The following PDIA5 variants were observed in gnomAD, a reference collection of about 807,000 sequenced individuals.
PDIA5 encodes the protein protein disulfide isomerase family A member 5.
A neutral mutation model predicts 77.6 loss-of-function variants in PDIA5; 58 were observed. The observed-to-expected ratio is 0.75, with a 90% CI of 0.61 to 0.93. The LOEUF (loss-of-function observed/expected upper bound fraction) is 0.93, where lower values mean the gene tolerates loss of function less well. Among genes scored for constraint, PDIA5 ranks in the 40% least tolerant of loss-of-function variants. The pLI is 0.00. For missense variants in PDIA5, 630 were observed against 647.7 expected, an observed-to-expected ratio of 0.97 and a Z score of 0.30; for synonymous variants, 250 against 252.1, an observed-to-expected ratio of 0.99 and a Z score of 0.08.
intron 14 of PDIA5, among the ~76,000 whole-genome samples, chr3:123,153,901 G>A (rs76735440): frequency 0.011 from 1,656 of 152,338 alleles, 34 homozygotes; most frequent in African/African-American, 0.036. Context: ...CTGCCTTCCC[G>A]AGGCTGAGGG....
At chr3:123,091,025 A>T (rs1934270330) in intron 2 of PDIA5, among the ~76,000 whole-genome samples, 1 of 152,074 alleles carries the variant, frequency 6.6e-6, no homozygotes. Flanking sequence ...CATGGCTAAA[A>T]TGCAGGTTAG....
intron 1 of PDIA5, among the ~76,000 whole-genome samples, chr3:123,070,041 G>A (rs1933683375): frequency 6.7e-6 from 1 of 148,708 alleles, no homozygotes; most frequent in Admixed American, 6.7e-5. Context: ...AGTGGGCTGA[G>A]ATCGCGCCAC....
At chr3:123,067,247 G>T in intron 1 of PDIA5, 41 bp downstream of exon 1, 2 of 1,232,142 alleles carry the variant, frequency 1.6e-6, no homozygotes. Context: ...GCCAGCACGT[G>T]TGTCCCGCGT....
chr3:123,087,471 T>A (rs1488647128), intron 1 of PDIA5, among the ~76,000 whole-genome samples: 1 of 97,722 alleles, frequency 1.0e-5, no homozygotes, highest in Admixed American at 8.7e-5. Flanking sequence ...TTCTAGGAGA[T>A]TTTTTTTTTT....
intron 10 of PDIA5, 150 bp from the exon 11 acceptor site, chr3:123,130,330 A>C: frequency 1.3e-6 from 1 of 778,964 alleles, no homozygotes; most frequent in Non-Finnish European, 2.0e-6. Context: ...CGGCACCTCC[A>C]TGAGGGCAGT....
At chr3:123,118,138 G>GAGCC (rs1451002122) in intron 8 of PDIA5, among the ~76,000 whole-genome samples, 5 of 152,226 alleles carry the variant, frequency 3.3e-5, no homozygotes, top group African/African-American at 9.6e-5. Context: ...GGGCTGCAGA[G>GAGCC]AGCCAATGCT....
chr3:123,154,826 G>T (rs1935983548), intron 14 of PDIA5, 145 bp from the exon 15 acceptor site: 2 of 674,630 alleles, frequency 3.0e-6, no homozygotes, highest in Non-Finnish European at 5.3e-6. Flanking sequence ...AGAGTGGCAA[G>T]GTTGACAAAA....
intron 1 of PDIA5, among the ~76,000 whole-genome samples, chr3:123,071,514 C>T (rs576989334): frequency 2.0e-5 from 3 of 152,216 alleles, no homozygotes; most frequent in South Asian, 4.1e-4. Context: ...TGTGGGTTGG[C>T]CTGAGGACTG....
intron 11 of PDIA5, chr3:123,144,987 C>G (rs969433202): frequency 1.3e-5 from 2 of 152,636 alleles, no homozygotes; most frequent in African/African-American, 4.8e-5. Flanking sequence ...ATGTCCCATA[C>G]TTATGCTTCT....
rs554034520 is a variant in PDIA5, at chr3:123,118,337, T to A, written c.609+2039T>A. Among the ~76,000 whole-genome samples, 17 of 152,336 alleles carry A rather than the reference T, an allele frequency of 1.1e-4. 1 individual carries two copies. The highest frequency in any genetic ancestry group is 4.1e-4 in the African/African-American group (17 of 41,582). ...GATTATTTAGCCTGGAGAAAAGACT[T>A]AATTACCCACAGTATTCTCTCTGCC... On this transcript the variant is annotated intron_variant, in intron 8 of 16. Transcript: ENST00000316218.
chr3:123,108,941 C>T (rs1423150428), intron 6 of PDIA5, among the ~76,000 whole-genome samples: 1 of 152,008 alleles, frequency 6.6e-6, no homozygotes, highest in Non-Finnish European at 1.5e-5. Flanking sequence ...GAGAGTGGCA[C>T]ATGTGCCTAG....
rs76372754 is a variant in PDIA5 at position 123,094,092 on chromosome 3, A to G, written c.257+1650A>G. Among the ~76,000 whole-genome samples the G allele has an allele frequency of 7.2e-5, 11 of 152,336 alleles. No individual in the cohort carries two copies. In the East Asian group the frequency reaches 9.6e-4, roughly 13 times the overall value. On this transcript the variant is annotated intron_variant, in intron 3 of 16. Transcript: ENST00000316218. Reference sequence around the variant, plus strand: ...ATGTCTAGAGTCAATAAAAGTGCCAATGAGAATATCCTGTGAATTTCGATG... The same window carrying G: ...ATGTCTAGAGTCAATAAAAGTGCCAGTGAGAATATCCTGTGAATTTCGATG...
At position 123,068,184 on chromosome 3, in the gene PDIA5, A is replaced by G. The variant is rs556630099; in HGVS notation, c.42+978A>G. On this transcript the variant is annotated intron_variant, in intron 1 of 16. Transcript: ENST00000316218. ...CCTGGTCCTTTTCCCCTGAAGTTCC[A>G]GGGAACTTCCTGTTCCTGGCACCCT... is the stretch of plus-strand genomic sequence containing the variant. Among the ~76,000 whole-genome samples, 3 of 152,170 alleles carry G rather than the reference A, an allele frequency of 2.0e-5. No individual in the cohort carries two copies. The South Asian group carries it at 6.2e-4, about 32-fold the overall frequency.
intron 11 of PDIA5, among the ~76,000 whole-genome samples, chr3:123,140,841 C>T (rs564255796): frequency 1.3e-5 from 2 of 152,210 alleles, no homozygotes; most frequent in South Asian, 2.1e-4. Context: ...GCCATGTGTG[C>T]GAGCTGCGGA....
At chr3:123,095,344 C>T (rs1934405133) in intron 3 of PDIA5, among the ~76,000 whole-genome samples, 1 of 152,142 alleles carries the variant, frequency 6.6e-6, no homozygotes, top group Non-Finnish European at 1.5e-5. Context: ...GTTCACTCAG[C>T]AACTGTTTAC....
At chr3:123,080,542 C>A (rs1230427411) in intron 1 of PDIA5, among the ~76,000 whole-genome samples, 1 of 152,138 alleles carries the variant, frequency 6.6e-6, no homozygotes, top group African/African-American at 2.4e-5. Flanking sequence ...ACCAAAGTAC[C>A]TGATAAGAAC....
chr3:123,071,053 G>A (rs1933711210), intron 1 of PDIA5, among the ~76,000 whole-genome samples: 1 of 152,076 alleles, frequency 6.6e-6, no homozygotes, highest in African/African-American at 2.4e-5. Context: ...TGAAAAATGA[G>A]GCTGGTTGTA....
intron 13 of PDIA5, among the ~76,000 whole-genome samples, chr3:123,149,427 A>T (rs1247322355): frequency 6.6e-6 from 1 of 152,214 alleles, no homozygotes; most frequent in African/African-American, 2.4e-5. Context: ...GAGACGTGGC[A>T]GCGTGGGTGT....
chr3:123,114,366 A>C (rs1576449080), intron 7 of PDIA5, among the ~76,000 whole-genome samples: 1 of 151,324 alleles, frequency 6.6e-6, no homozygotes, highest in African/African-American at 2.4e-5. Context: ...ACTGGGAAGC[A>C]CCCCCCCAAA....
Sources: allele counts gnomAD v4.1 joint callset (sites outside exome capture counted in the v4.1 genomes callset), GRCh38; gene constraint gnomAD v4.1.1; transcripts MANE v1.5; gene names NCBI Gene and HGNC (gene_info 2026-07-23, HGNC 2026-07-21).